Variants in PPM1H observed in about 807,000 individuals in gnomAD.
The protein encoded by PPM1H is protein phosphatase 1H.
PPM1H carries 27 observed loss-of-function variants against 54.9 expected under a neutral mutation model. The observed-to-expected ratio is 0.49, with a 90% CI of 0.36 to 0.68. The LOEUF (loss-of-function observed/expected upper bound fraction) is 0.68, where lower values mean the gene tolerates loss of function less well. Among genes scored for constraint, PPM1H ranks in the 30% least tolerant of loss-of-function variants. The pLI is 0.00. For missense variants in PPM1H, 596 were observed against 667.8 expected, an observed-to-expected ratio of 0.89 and a Z score of 1.19; for synonymous variants, 305 against 270.8, an observed-to-expected ratio of 1.13 and a Z score of -1.24.
At chr12:62,699,111 G>A (rs1005812345) in intron 6 of PPM1H, among the ~76,000 whole-genome samples, 7 of 152,192 alleles carry the variant, frequency 4.6e-5, no homozygotes, top group East Asian at 1.9e-4. Flanking sequence ...GCATGTGAAG[G>A]AAAGCAATTC....
At chr12:62,716,904 G>C (rs1192538158) in intron 6 of PPM1H, among the ~76,000 whole-genome samples, 1 of 152,144 alleles carries the variant, frequency 6.6e-6, no homozygotes, top group Non-Finnish European at 1.5e-5. Context: ...TTTTAAAAAG[G>C]AATTCATTAA....
intron 8 of PPM1H, among the ~76,000 whole-genome samples, chr12:62,677,750 C>T (rs1047264496): frequency 6.6e-5 from 10 of 152,134 alleles, no homozygotes; most frequent in Non-Finnish European, 1.0e-4. Flanking sequence ...AAAACTTGGG[C>T]AAAGATGCCA....
At chr12:62,764,127 G>A (rs771091136) in intron 4 of PPM1H, among the ~76,000 whole-genome samples, 1 of 152,136 alleles carries the variant, frequency 6.6e-6, no homozygotes, top group Non-Finnish European at 1.5e-5. Context: ...GAACTCTGGT[G>A]AATTTCCGTC....
chr12:62,743,234 T>C (rs920430915), intron 4 of PPM1H, among the ~76,000 whole-genome samples: 1 of 152,212 alleles, frequency 6.6e-6, no homozygotes, highest in Non-Finnish European at 1.5e-5. Context: ...GCGCCTGTAG[T>C]CACAGCTACT....
intron 1 of PPM1H, among the ~76,000 whole-genome samples, chr12:62,902,684 A>T (rs1352854147): frequency 5.9e-5 from 9 of 152,232 alleles, no homozygotes; most frequent in Admixed American, 5.9e-4. Context: ...GACAATCCTG[A>T]CTTTGAATTA....
chr12:62,838,462 C>T (rs1868582763), intron 1 of PPM1H, among the ~76,000 whole-genome samples: 1 of 152,118 alleles, frequency 6.6e-6, no homozygotes, highest in Non-Finnish European at 1.5e-5. Context: ...ACTGGCCACA[C>T]AGATGGGCTG....
Position 62,934,535 on chromosome 12 carries a change from G to C in PPM1H, c.202C>G (p.Leu68Val). The C allele has an allele frequency of 1.3e-6, 2 of 1,552,594 alleles. No homozygotes were observed. Residue 68 changes from leucine to valine, a missense_variant, in exon 1 of 10, where the codon CTC becomes GTC. This residue lies in a region of PPM1H where 382 missense variants were observed against 387.1 expected (regional missense o/e 0.99). Transcript: ENST00000228705. This position sits in a 1 kb window ranked among gnomAD's most constrained non-coding sequence, Gnocchi z 4.2. Reference protein sequence around the residue: ...ADHIARPILILKETRRLPWAT... With the variant: ...ADHIARPILIVKETRRLPWAT... ...CAGGGCAGCCGCCGAGTCTCCTTGAGGATGAGGATGGGGCGGGCGATGTGG... is the reference window on the plus strand; with the variant it reads ...CAGGGCAGCCGCCGAGTCTCCTTGACGATGAGGATGGGGCGGGCGATGTGG...
chr12:62,755,167 C>T, intron 4 of PPM1H: 1 of 545,358 alleles, frequency 1.8e-6, no homozygotes, highest in Non-Finnish European at 3.4e-6. Flanking sequence ...TCTGCTCCTC[C>T]CATTTGACAG....
At chr12:62,834,204 C>CA (rs1360732301) in intron 1 of PPM1H, among the ~76,000 whole-genome samples, 1 of 152,138 alleles carries the variant, frequency 6.6e-6, no homozygotes, top group Non-Finnish European at 1.5e-5. Flanking sequence ...GCTTATCACA[C>CA]ACTCTCAGGG....
intron 1 of PPM1H, among the ~76,000 whole-genome samples, chr12:62,927,143 G>A (rs1420517804): frequency 2.0e-5 from 3 of 152,220 alleles, no homozygotes; most frequent in African/African-American, 7.2e-5. Flanking sequence ...TGGCTGCAGT[G>A]TGAATTGATA....
intron 1 of PPM1H, among the ~76,000 whole-genome samples, chr12:62,847,363 A>AAT (rs1869012238): frequency 6.6e-6 from 1 of 152,182 alleles, no homozygotes; most frequent in South Asian, 2.1e-4. Flanking sequence ...AGCAAGACCC[A>AAT]ACTCTCAATA....
intron 4 of PPM1H, among the ~76,000 whole-genome samples, chr12:62,785,200 G>A (rs1249341865): frequency 4.6e-5 from 7 of 151,110 alleles, no homozygotes; most frequent in South Asian, 2.1e-4. Context: ...TTTTGGAGAC[G>A]GAGCCTTGCT....
At chr12:62,787,965 A>G (rs1321759784) in intron 4 of PPM1H, among the ~76,000 whole-genome samples, 4 of 152,162 alleles carry the variant, frequency 2.6e-5, no homozygotes, top group Non-Finnish European at 5.9e-5. Flanking sequence ...CTAAGTTTTC[A>G]CTGAGAAACA....
At chr12:62,803,607 T>TG (rs1268555396) in intron 2 of PPM1H, among the ~76,000 whole-genome samples, 10 of 151,756 alleles carry the variant, frequency 6.6e-5, no homozygotes, top group African/African-American at 1.9e-4. Flanking sequence ...GAAAAAAACA[T>TG]GGGGGAAAAA....
At chr12:62,784,466 GA>G (rs2076659594) in intron 4 of PPM1H, among the ~76,000 whole-genome samples, 1 of 152,108 alleles carries the variant, frequency 6.6e-6, no homozygotes, top group African/African-American at 2.4e-5. Context: ...TCCTGAGCGT[GA>G]ATAATTATGG....
intron 1 of PPM1H, among the ~76,000 whole-genome samples, chr12:62,923,247 A>C (rs1237942035): frequency 6.6e-6 from 1 of 152,230 alleles, no homozygotes; most frequent in African/African-American, 2.4e-5. Flanking sequence ...TCAAGAATGG[A>C]CTGATGGATG....
intron 3 of PPM1H, among the ~76,000 whole-genome samples, chr12:62,796,451 G>A (rs986112386): frequency 1.3e-5 from 2 of 152,178 alleles, no homozygotes; most frequent in East Asian, 1.9e-4. Context: ...CCTAAGGTTC[G>A]ATTAATTTGC....
chr12:62,815,295 A>G (rs1310992236), intron 2 of PPM1H, among the ~76,000 whole-genome samples: 1 of 152,308 alleles, frequency 6.6e-6, no homozygotes, highest in East Asian at 1.9e-4. Flanking sequence ...AGGATATGAC[A>G]ATATGAATTG....
chr12:62,915,345 G>A (rs1046146574), intron 1 of PPM1H, among the ~76,000 whole-genome samples: 2 of 152,234 alleles, frequency 1.3e-5, no homozygotes, highest in East Asian at 1.9e-4. Flanking sequence ...GCGACCTTCA[G>A]GAGTTCTGCT....
Sources: gnomAD v4.1 joint callset for allele counts (sites outside exome capture counted in the v4.1 genomes callset) on GRCh38, gnomAD v4.1.1 for gene constraint, gnomAD v4.1.1 regional missense constraint, Gnocchi (gnomAD v3.1) non-coding constraint, MANE v1.5 for transcripts, NCBI Gene and HGNC (gene_info 2026-07-23, HGNC 2026-07-21) for gene names.